TTC23: variants seen among roughly 807,000 people sequenced by gnomAD.
The protein encoded by TTC23 is tetratricopeptide repeat protein 23.
A neutral mutation model predicts 55.1 loss-of-function variants in TTC23; 58 were observed. The ratio of observed to expected loss-of-function variants is 1.05; its 90% CI spans 0.85 to 1.31. The LOEUF is 1.31. TTC23 is among the 50% of genes most tolerant of loss of function. The pLI is 0.00. For missense variants in TTC23, 516 were observed against 534.4 expected, an observed-to-expected ratio of 0.97 and a Z score of 0.34; for synonymous variants, 203 against 199.9, an observed-to-expected ratio of 1.02 and a Z score of -0.13.
Position 99,221,726 on chromosome 15 carries a change from C to T in TTC23, c.304+15G>A, listed in dbSNP as rs776866191. ...AATCGACCAACTGATCCCCCTCAGT[C>T]TAAGGCGAGCTTACCTTTCAGCTGG... is the stretch of plus-strand genomic sequence containing the variant. On this transcript the variant is annotated intron_variant, in intron 6 of 13. Coordinates refer to ENST00000394132, the MANE Select transcript of TTC23 (RefSeq NM_001288615.3). The T allele has an allele frequency of 1.1e-5, 17 of 1,613,746 alleles. No individual in the cohort carries two copies. The highest frequency in any genetic ancestry group is 1.2e-5 in the Non-Finnish European group (14 of 1,179,812).
At chr15:99,249,962 A>G (rs1302996745), upstream of TTC23, among the ~76,000 whole-genome samples, 1 of 152,224 alleles carries the variant, frequency 6.6e-6, no homozygotes, top group African/African-American at 2.4e-5. Context: ...ATGATCAAAT[A>G]TCAGATATTA....
intron 3 of TTC23, among the ~76,000 whole-genome samples, chr15:99,238,069 G>A (rs184514014): frequency 9.7e-4 from 147 of 152,162 alleles, no homozygotes; most frequent in African/African-American, 3.3e-3. Context: ...AGGTTCAAGC[G>A]ATTCTCCTGC....
At chr15:99,152,527 G>A (rs782129712) in intron 12 of TTC23, among the ~76,000 whole-genome samples, 9 of 151,786 alleles carry the variant, frequency 5.9e-5, no homozygotes, top group Non-Finnish European at 1.2e-4. Context: ...ACAGGTATGC[G>A]CCAGCAGCTA....
At chr15:99,205,682 G>A (rs2152009763) in intron 8 of TTC23, among the ~76,000 whole-genome samples, 1 of 151,138 alleles carries the variant, frequency 6.6e-6, no homozygotes, top group Non-Finnish European at 1.5e-5. Flanking sequence ...TACTGAATTT[G>A]TTGATCAGTT....
intron 1 of TTC23, among the ~76,000 whole-genome samples, chr15:99,248,011 C>G (rs2080409984): frequency 6.6e-6 from 1 of 152,098 alleles, no homozygotes; most frequent in Admixed American, 6.5e-5. Context: ...CATATTATGA[C>G]AAGACTTTTA....
intron 11 of TTC23, chr15:99,157,095 G>A (rs923142684): frequency 1.3e-5 from 2 of 150,570 alleles, no homozygotes; most frequent in African/African-American, 2.5e-5. Flanking sequence ...AGCTGTGGTG[G>A]TGCTAGGATC....
chr15:99,166,635 C>G (rs1284869571), intron 10 of TTC23, among the ~76,000 whole-genome samples: 1 of 152,190 alleles, frequency 6.6e-6, no homozygotes, highest in Non-Finnish European at 1.5e-5. Flanking sequence ...GGAGATGGGC[C>G]CTGCCTGGGA....
At chr15:99,140,041 G>A in intron 12 of TTC23, 1 of 224,012 alleles carries the variant, frequency 4.5e-6, no homozygotes. Context: ...GTGGAGAGGT[G>A]GAGGAACTTG....
At chr15:99,168,045 C>A (rs2072380084) in intron 10 of TTC23, among the ~76,000 whole-genome samples, 1 of 152,200 alleles carries the variant, frequency 6.6e-6, no homozygotes, top group Non-Finnish European at 1.5e-5. Context: ...CCTGAGAACA[C>A]ATAAAGCCCG....
In TTC23 at chr15:99,241,516, A is replaced by G. The variant is rs1051912990; in HGVS notation, c.-265T>C. 2.6e-5 allele frequency: 4 copies of G among 152,302 alleles called. No individual in the cohort carries two copies. Among genetic ancestry groups the G allele is most frequent in the African/African-American group, 9.7e-5 (4 of 41,438 alleles). 9.4% of individuals were successfully genotyped at this position (152,302 alleles called of 1,614,324 possible). A position where few individuals can be genotyped will look rare whatever the true frequency, so the allele number is the denominator to read the frequency against. ...TCTAGGTCTCTGAATCACAACTGCC[A>G]ATGAGACCTACTCAGTCAGTTGATA... On this transcript the variant is annotated 5_prime_UTR_variant, in exon 3 of 14. Coordinates refer to ENST00000394132, the MANE Select transcript of TTC23 (RefSeq NM_001288615.3).
chr15:99,226,779 G>A (rs139155235), intron 5 of TTC23, among the ~76,000 whole-genome samples: 24 of 152,178 alleles, frequency 1.6e-4, no homozygotes, highest in African/African-American at 3.1e-4. Context: ...TATCTGTCAC[G>A]TCTTCCTGGA....
At chr15:99,237,465 T>C (rs2079416126) in intron 3 of TTC23, among the ~76,000 whole-genome samples, 1 of 152,080 alleles carries the variant, frequency 6.6e-6, no homozygotes, top group South Asian at 2.1e-4. Context: ...TACTCAGTAA[T>C]AAAAAGGGAT....
intron 4 of TTC23, among the ~76,000 whole-genome samples, chr15:99,231,414 G>C (rs1288320609): frequency 6.6e-6 from 1 of 152,192 alleles, no homozygotes; most frequent in Non-Finnish European, 1.5e-5. Flanking sequence ...CCTCCAGTGG[G>C]ACAAGACATG....
At chr15:99,241,826 G>A (rs2079826889) in intron 2 of TTC23, among the ~76,000 whole-genome samples, 1 of 152,142 alleles carries the variant, frequency 6.6e-6, no homozygotes, top group African/African-American at 2.4e-5. Flanking sequence ...TCAGGGCAGT[G>A]GCTTTTAGGA....
At chr15:99,158,273 C>G (rs1171640305) in intron 11 of TTC23, 1 of 152,158 alleles carries the variant, frequency 6.6e-6, no homozygotes, top group African/African-American at 2.4e-5. Context: ...GCTGAGAGTG[C>G]TGGGTTTGGT....
intron 3 of TTC23, among the ~76,000 whole-genome samples, chr15:99,237,961 A>G (rs1343365899): frequency 6.6e-6 from 1 of 151,808 alleles, no homozygotes; most frequent in Non-Finnish European, 1.5e-5. Context: ...TTGTTTATTT[A>G]TTTTTTATTA....
intron 5 of TTC23, among the ~76,000 whole-genome samples, chr15:99,226,677 A>C (rs954604349): frequency 1.3e-5 from 2 of 151,910 alleles, no homozygotes; most frequent in Non-Finnish European, 2.9e-5. Context: ...GCTTGTGCCT[A>C]CCCTGTAGAT....
intron 10 of TTC23, among the ~76,000 whole-genome samples, chr15:99,174,361 G>A (rs1165304311): frequency 6.6e-6 from 1 of 151,738 alleles, no homozygotes; most frequent in Non-Finnish European, 1.5e-5. Context: ...TGAGCACAGT[G>A]GACCTTATTT....
At chr15:99,175,020 G>A (rs373687771) in intron 10 of TTC23, 30 bp downstream of exon 10, 18 of 1,603,616 alleles carry the variant, frequency 1.1e-5, no homozygotes, top group Non-Finnish European at 1.5e-5. Context: ...AGATGCCTGT[G>A]AGACAGGAAG....
Sources: allele counts gnomAD v4.1 joint callset (sites outside exome capture counted in the v4.1 genomes callset), GRCh38; gene constraint gnomAD v4.1.1; transcripts MANE v1.5; gene names NCBI Gene and HGNC (gene_info 2026-07-23, HGNC 2026-07-21).